The following SNAP23 variants were observed in gnomAD, a reference collection of about 807,000 sequenced individuals.
SNAP23 encodes the protein synaptosomal-associated protein 23.
SNAP23 carries 11 observed loss-of-function variants against 29.0 expected under a neutral mutation model. The ratio of observed to expected loss-of-function variants is 0.38; its 90% CI spans 0.24 to 0.63. The LOEUF is 0.63. Ranked by LOEUF, SNAP23 falls within the 20% of genes least tolerant of loss-of-function variation. The pLI, the probability that SNAP23 is intolerant of heterozygous loss-of-function variation, is 0.58. For missense variants in SNAP23, 220 were observed against 253.9 expected (o/e 0.87, Z 0.91); for synonymous variants, 60 against 82.9 (o/e 0.72, Z 1.50).
At chr15:42,511,508 T>TA (rs1384980112) in intron 1 of SNAP23, among the ~76,000 whole-genome samples, 3 of 152,198 alleles carry the variant, frequency 2.0e-5, no homozygotes, top group African/African-American at 7.2e-5. Flanking sequence ...AAATTCACTT[T>TA]AATAGTCTTT....
chr15:42,492,783 A>G (rs1048640220), upstream of SNAP23: 14 of 152,118 alleles, frequency 9.2e-5, no homozygotes, highest in African/African-American at 3.4e-4. Context: ...GAAACTTCCA[A>G]TTCCGTGTTT....
intron 5 of SNAP23, among the ~76,000 whole-genome samples, chr15:42,524,215 C>T (rs536420494): frequency 1.8e-3 from 268 of 152,248 alleles, no homozygotes; most frequent in Non-Finnish European, 2.8e-3. Context: ...TAATAGACTA[C>T]CAGAGTAATC....
At chr15:42,500,368 AG>A in intron 1 of SNAP23, among the ~76,000 whole-genome samples, 1 of 151,502 alleles carries the variant, frequency 6.6e-6, no homozygotes, top group African/African-American at 2.4e-5. Context: ...GCAGATGACA[AG>A]GACTGCTCTT....
rs548249243 is a variant in SNAP23 at position 42,529,729 on chromosome 15, C to T, written c.480C>T (p.Gly160=). Residue 160 remains glycine, a synonymous_variant, in exon 7 of 8, where the codon GGC becomes GGT. Coordinates refer to ENST00000249647, the MANE Select transcript of SNAP23 (RefSeq NM_003825.4). ...DEMEENLTQV[G]SILGNLKDMA... ...TGGAAGAGAACCTGACTCAAGTGGG[C>T]AGTATCCTGGGAAATCTAAAAGACA... 22 of 1,613,794 alleles carry T rather than the reference C, an allele frequency of 1.4e-5. No individual in the cohort carries two copies. Among genetic ancestry groups the T allele is most frequent in the Non-Finnish European group, 1.7e-5 (20 of 1,179,864 alleles).
intron 5 of SNAP23, among the ~76,000 whole-genome samples, chr15:42,523,943 A>G (rs2057471919): frequency 6.6e-6 from 1 of 151,938 alleles, no homozygotes; most frequent in Non-Finnish European, 1.5e-5. Flanking sequence ...CAGCCTCCCA[A>G]GTAGCTGGGA....
At chr15:42,528,512 A>G (rs567190425) in intron 6 of SNAP23, 92 bp downstream of exon 6, 3 of 1,201,974 alleles carry the variant, frequency 2.5e-6, no homozygotes, top group African/African-American at 1.5e-5. Context: ...CTAATAAAAC[A>G]AATAAAAATT....
At chr15:42,510,877 C>T (rs1398818574) in intron 1 of SNAP23, among the ~76,000 whole-genome samples, 1 of 152,074 alleles carries the variant, frequency 6.6e-6, no homozygotes, top group Non-Finnish European at 1.5e-5. Context: ...TAACCAGCCC[C>T]ATCACCTGGC....
intron 5 of SNAP23, among the ~76,000 whole-genome samples, chr15:42,521,289 A>T (rs1156897841): frequency 3.3e-5 from 5 of 152,230 alleles, no homozygotes; most frequent in African/African-American, 7.2e-5. Flanking sequence ...ATTAAGAGAA[A>T]TCTTAATCAC....
intron 1 of SNAP23, among the ~76,000 whole-genome samples, chr15:42,497,104 G>A (rs1325347639): frequency 4.0e-5 from 6 of 149,558 alleles, no homozygotes; most frequent in Admixed American, 6.7e-5. Flanking sequence ...GTGCAGTGGC[G>A]CGATCTTGGC....
chr15:42,520,339 G>A (rs1045172835), intron 5 of SNAP23, among the ~76,000 whole-genome samples: 4 of 149,114 alleles, frequency 2.7e-5, no homozygotes, highest in Admixed American at 6.7e-5. Flanking sequence ...GTGAGCCACC[G>A]CGCACAGCCC....
At chr15:42,493,444 T>C (rs1423983476), upstream of SNAP23, among the ~76,000 whole-genome samples, 2 of 151,924 alleles carry the variant, frequency 1.3e-5, no homozygotes, top group Non-Finnish European at 2.9e-5. Context: ...CCACCCCCGT[T>C]TCCCTGTCAT....
intron 1 of SNAP23, among the ~76,000 whole-genome samples, chr15:42,498,244 G>A (rs558767787): frequency 2.8e-4 from 42 of 152,290 alleles, no homozygotes; most frequent in African/African-American, 3.1e-4. Flanking sequence ...CCAATCCCAC[G>A]TTTCCTTTCT....
rs144588092 is a variant in SNAP23 at position 42,511,967 on chromosome 15, G to A, written c.57+64G>A. On this transcript the variant is annotated intron_variant, in intron 2 of 7. Transcript: ENST00000249647. ...CAGTTTTCATATTGGAGGAGTGAGA[G>A]AGCCTTCTTAGGGACATTTTGGCCT... The A allele has an allele frequency of 5.0e-5, 58 of 1,149,020 alleles. No individual in the cohort carries two copies. The African/African-American group carries it at 8.9e-4, about 18-fold the overall frequency. 71.2% of individuals were successfully genotyped at this position (1,149,020 alleles called of 1,614,324 possible).
intron 5 of SNAP23, among the ~76,000 whole-genome samples, chr15:42,517,525 A>G (rs953332798): frequency 2.6e-4 from 39 of 152,106 alleles, no homozygotes; most frequent in Non-Finnish European, 1.5e-4. Flanking sequence ...TAGACCTAAG[A>G]TGGTCTAATA....
intron 5 of SNAP23, 75 bp from the exon 6 acceptor site, chr15:42,528,187 G>A: frequency 7.7e-7 from 1 of 1,296,940 alleles, no homozygotes; most frequent in Non-Finnish European, 1.1e-6. Context: ...CATCCTCAAG[G>A]TAACAGGCAC....
At chr15:42,499,194 G>A (rs553464951) in intron 1 of SNAP23, among the ~76,000 whole-genome samples, 4 of 151,572 alleles carry the variant, frequency 2.6e-5, no homozygotes, top group South Asian at 2.1e-4. Flanking sequence ...TCAGCCTCCC[G>A]AGTAGCTGGG....
rs562699732 is a variant in SNAP23, at chr15:42,516,367, G to T, written c.266+1013G>T. Among the ~76,000 whole-genome samples the T allele has an allele frequency of 1.4e-4, 22 of 151,938 alleles. 1 individual carries two copies. Among genetic ancestry groups the T allele is most frequent in the Admixed American group, 1.2e-3 (19 of 15,260 alleles). ...TTTTTTTGAGACGGAGTCTCACTCT[G>T]TTACCAGGCTGGAATGCAGTGGCGC... is the stretch of plus-strand genomic sequence containing the variant. On this transcript the variant is annotated intron_variant, in intron 5 of 7. Coordinates refer to ENST00000249647, the MANE Select transcript of SNAP23 (RefSeq NM_003825.4).
chr15:42,515,749 G>A (rs2057392205), intron 5 of SNAP23, among the ~76,000 whole-genome samples: 1 of 152,228 alleles, frequency 6.6e-6, no homozygotes, highest in Middle Eastern at 3.4e-3. Flanking sequence ...GGGAAAGAAT[G>A]GCAAAACATA....
chr15:42,497,912 C>G (rs2057236036), intron 1 of SNAP23, among the ~76,000 whole-genome samples: 1 of 152,182 alleles, frequency 6.6e-6, no homozygotes, highest in African/African-American at 2.4e-5. Context: ...GCTACCGGCC[C>G]TATGCAAGTC....
Sources: allele counts gnomAD v4.1 joint callset (sites outside exome capture counted in the v4.1 genomes callset), GRCh38; gene constraint gnomAD v4.1.1; transcripts MANE v1.5; gene names NCBI Gene and HGNC (gene_info 2026-07-23, HGNC 2026-07-21).